LZIC: variants seen among roughly 807,000 people sequenced by gnomAD.
LZIC encodes the protein leucine zipper and CTNNBIP1 domain containing, also known as protein LZIC.
In LZIC, 28 loss-of-function variants were observed where a neutral mutation model predicts 25.4. That is an observed-to-expected ratio of 1.10 (90% CI 0.82 to 1.51). LZIC has a LOEUF of 1.51. LZIC is among the 40% of genes most tolerant of loss of function. The pLI, the probability that LZIC is intolerant of heterozygous loss-of-function variation, is 0.00. For missense variants in LZIC, 170 were observed against 211.1 expected (o/e 0.81, Z 1.21); for synonymous variants, 65 against 70.7 (o/e 0.92, Z 0.40).
At chr1:9,930,733 T>A (rs1278024540) in intron 7 of LZIC, among the ~76,000 whole-genome samples, 1 of 152,170 alleles carries the variant, frequency 6.6e-6, no homozygotes, top group Admixed American at 6.6e-5. Context: ...TTATTTATTT[T>A]TTTGAGATGG....
chr1:9,933,029 C>T (rs1004739623), intron 5 of LZIC, 131 bp from the exon 6 acceptor site: 54 of 582,606 alleles, frequency 9.3e-5, no homozygotes, highest in Admixed American at 6.6e-4. Context: ...ACGAGGCGGG[C>T]GGATCACGAG....
rs988793519 is a variant in LZIC at position 9,935,559 on chromosome 1, T to C, written c.170A>G (p.Asn57Ser). Reference protein sequence around the residue: ...KETLEQLSEFNDSLKKIMSGN... With the variant: ...KETLEQLSEFSDSLKKIMSGN... ...AGACATAATTTTCTTTAGTGAATCA[T>C]TAAATTCACTTAGTTGCTCCAGAGT... The change falls in exon 4 of 8, where the codon AAT (asparagine) becomes AGT (serine). Residue 57 changes from asparagine to serine, a missense_variant. Asn to Ser is a conservative substitution (Grantham distance 46). Coordinates refer to ENST00000377223, the MANE Select transcript of LZIC (RefSeq NM_032368.5). 1.9e-6 allele frequency: 3 copies of C among 1,610,256 alleles called. No individual in the cohort carries two copies. The highest frequency in any genetic ancestry group is 2.7e-5 in the African/African-American group (2 of 74,810).
intron 7 of LZIC, 55 bp downstream of exon 7, chr1:9,931,836 A>T (rs925239440): frequency 8.9e-7 from 1 of 1,129,890 alleles, no homozygotes; most frequent in Non-Finnish European, 1.3e-6. Flanking sequence ...ATCAGTTTGT[A>T]TGTAATATAT....
chr1:9,939,304 C>T (rs1341759439), intron 2 of LZIC, among the ~76,000 whole-genome samples: 4 of 151,678 alleles, frequency 2.6e-5, no homozygotes, highest in Non-Finnish European at 5.9e-5. Flanking sequence ...TCAAATGATC[C>T]ACTCACCCCA....
downstream of LZIC, among the ~76,000 whole-genome samples, chr1:9,922,641 G>C (rs1032265547): frequency 3.9e-5 from 6 of 152,234 alleles, no homozygotes; most frequent in African/African-American, 1.4e-4. Flanking sequence ...GCTAACTATA[G>C]ACAGAACAGA....
intron 5 of LZIC, among the ~76,000 whole-genome samples, 177 bp downstream of exon 5, chr1:9,934,585 G>T (rs547095020): frequency 4.6e-4 from 70 of 152,302 alleles, no homozygotes; most frequent in African/African-American, 1.6e-3. Context: ...GCCGTATATT[G>T]TTTAAAGCTC....
Position 9,942,563 on chromosome 1 carries a change from A to G in LZIC, c.-9+61T>C, listed in dbSNP as rs150306762. On this transcript the variant is annotated intron_variant, in intron 2 of 7. Coordinates refer to ENST00000377223, the MANE Select transcript of LZIC (RefSeq NM_032368.5). ...ATGTGGTGCACTTTTCACTTTTACG[A>G]AACTACAGAAACCGCTCTCAGACAC... 1.3e-3 allele frequency: 1,100 copies of G among 846,818 alleles called. 14 individuals are homozygous for G. The African/African-American group carries it at 0.017, about 13-fold the overall frequency. 52.5% of individuals were successfully genotyped at this position (846,818 alleles called of 1,614,324 possible). A position where few individuals can be genotyped will look rare whatever the true frequency, so the allele number is the denominator to read the frequency against.
At position 9,927,544 on chromosome 1, in the gene LZIC, G is replaced by A. The variant is rs560358091; in HGVS notation, c.*2855C>T. Among the ~76,000 whole-genome samples the A allele has an allele frequency of 3.3e-4, 49 of 150,586 alleles. No individual in the cohort carries two copies. The highest frequency in any genetic ancestry group is 1.1e-3 in the African/African-American group (47 of 40,958). On this transcript the variant is annotated 3_prime_UTR_variant, in exon 8 of 8. Coordinates refer to ENST00000377223, the MANE Select transcript of LZIC (RefSeq NM_032368.5). The stretch of plus-strand genomic sequence containing the variant: ...CTCAAATCCTGAGTTCAGGCGATCC[G>A]CCCACCTCTGCCTCCCAGAGTTCTG...
In LZIC at chr1:9,940,338, A is replaced by G. The variant is rs571015488; in HGVS notation, c.-9+2286T>C. On this transcript the variant is annotated intron_variant, in intron 2 of 7. Transcript: ENST00000377223. ...ACTATAGGCACCCGCCACCACGCCC[A>G]GCTTATTTTTTTTGTATTTTTTAGT... is the stretch of plus-strand genomic sequence containing the variant. Among the ~76,000 whole-genome samples the G allele has an allele frequency of 2.0e-5, 3 of 152,002 alleles. No individual in the cohort carries two copies. In the East Asian group the frequency reaches 5.9e-4, roughly 30 times the overall value.
At position 9,927,523 on chromosome 1, in the gene LZIC, A is replaced by G. The variant is rs1640027555; in HGVS notation, c.*2876T>C. Among the ~76,000 whole-genome samples the G allele has an allele frequency of 6.6e-6, 1 of 151,460 alleles. No homozygotes were observed. Among genetic ancestry groups the G allele is most frequent in the South Asian group, 2.1e-4 (1 of 4,782 alleles). On this transcript the variant is annotated 3_prime_UTR_variant, in exon 8 of 8. Transcript: ENST00000377223. ...CACCATGTTGGCCAGGCTGGTCTCA[A>G]ATCCTGAGTTCAGGCGATCCGCCCA...
At chr1:9,940,688 G>A (rs1023238288) in intron 2 of LZIC, among the ~76,000 whole-genome samples, 4 of 152,170 alleles carry the variant, frequency 2.6e-5, no homozygotes, top group African/African-American at 9.7e-5. Context: ...TACTTCATTG[G>A]AGAGGATTCT....
rs944680520 is a variant in LZIC, at chr1:9,928,753, G to T, written c.*1646C>A. ...TAGCTGGGCGTGGTGGTACACACTA[G>T]TAATCCCAGCTACTTGGGAAGCTGA... On this transcript the variant is annotated 3_prime_UTR_variant, in exon 8 of 8. Coordinates refer to ENST00000377223, the MANE Select transcript of LZIC (RefSeq NM_032368.5). Among the ~76,000 whole-genome samples the T allele has an allele frequency of 6.6e-6, 1 of 151,188 alleles. No individual in the cohort carries two copies. The highest frequency in any genetic ancestry group is 6.6e-5 in the Admixed American group (1 of 15,104).
At position 9,941,628 on chromosome 1, in the gene LZIC, T is replaced by C. The variant is rs550716310; in HGVS notation, c.-9+996A>G. On this transcript the variant is annotated intron_variant, in intron 2 of 7. Coordinates refer to ENST00000377223, the MANE Select transcript of LZIC (RefSeq NM_032368.5). ...GATTCTCCTGCCTCGGCCTCCCAAG[T>C]AGCTGGGATTACAGGCACGCACTAC... Among the ~76,000 whole-genome samples, 367 of 151,184 alleles carry C rather than the reference T, an allele frequency of 2.4e-3. 3 individuals carry two copies. The highest frequency in any genetic ancestry group is 8.5e-3 in the African/African-American group (349 of 41,152).
chr1:9,925,886 C>CTTTTT (rs70998325), downstream of LZIC, among the ~76,000 whole-genome samples: 2 of 43,472 alleles, frequency 4.6e-5, no homozygotes, highest in African/African-American at 1.6e-4. Context: ...CCACTCATGC[C>CTTTTT]TTTTTTTTTT....
chr1:9,931,919 G>T lies in LZIC; in HGVS notation c.486C>A (p.Ser162Arg), dbSNP rs185647672. ...GGTCTGTAGAGACTTTCTCAAACTG[G>T]CTGAGTATAGCACCTGCATTTGCTG... ...FLSANAGAIL[S>R]QFEKVSTDLG... is the part of the protein sequence containing the mutation. Residue 162 changes from serine (S) to arginine (R), a missense_variant, in exon 7 of 8, where the codon AGC becomes AGA. Ser to Arg is a moderately radical substitution (Grantham distance 110). Transcript: ENST00000377223. 6.2e-7 allele frequency: 1 copy of T among 1,613,570 alleles called. No homozygotes were observed. Among genetic ancestry groups the T allele is most frequent in the East Asian group, 2.2e-5 (1 of 44,856 alleles).
At position 9,936,597 on chromosome 1, in the gene LZIC, T is replaced by A. The variant is rs750298113; in HGVS notation, c.23A>T (p.Glu8Val). 2 of 1,613,264 alleles carry A rather than the reference T, an allele frequency of 1.2e-6. No individual in the cohort carries two copies. The highest frequency in any genetic ancestry group is 1.7e-6 in the Non-Finnish European group (2 of 1,179,346). Residue 8 changes from glutamate to valine, a missense_variant, in exon 3 of 8, where the codon GAG becomes GTG. Coordinates refer to ENST00000377223, the MANE Select transcript of LZIC (RefSeq NM_032368.5). MASRGKT[E>V]TSKLKQNLEE... is the part of the protein sequence containing the mutation. ...TAAATTCTGCTTTAATTTGCTTGTC[T>A]CTGTCTTTCCTCTGGAAGCCATTTT...
chr1:9,923,518 CTTTTT>C (rs60858066), downstream of LZIC, among the ~76,000 whole-genome samples: 20 of 74,162 alleles, frequency 2.7e-4, no homozygotes, highest in African/African-American at 7.0e-4. Context: ...CCCAATGCTT[CTTTTT>C]TTTTTTTTTT....
chr1:9,934,928 G>A, intron 4 of LZIC, 68 bp from the exon 5 acceptor site: 1 of 1,115,768 alleles, frequency 9.0e-7, no homozygotes, highest in Non-Finnish European at 1.4e-6. Context: ...ATAACTGATT[G>A]ACGGATCCTT....
intron 7 of LZIC, among the ~76,000 whole-genome samples, chr1:9,930,815 G>A (rs1284281125): frequency 6.6e-6 from 1 of 152,188 alleles, no homozygotes; most frequent in East Asian, 1.9e-4. Flanking sequence ...CACCTCCTGG[G>A]TTCAAGCAAT....
Sources: gnomAD v4.1 joint callset for allele counts (sites outside exome capture counted in the v4.1 genomes callset) on GRCh38, gnomAD v4.1.1 for gene constraint, MANE v1.5 for transcripts, NCBI Gene and HGNC (gene_info 2026-07-23, HGNC 2026-07-21) for gene names.